The following RAB5A variants were observed in gnomAD, a reference collection of about 807,000 sequenced individuals.
The protein encoded by RAB5A is ras-related protein Rab-5A.
In RAB5A, 8 loss-of-function variants were observed where a neutral mutation model predicts 25.7. That is an observed-to-expected ratio of 0.31 (90% CI 0.18 to 0.56). The LOEUF is 0.56. Ranked by LOEUF, RAB5A falls within the 20% of genes least tolerant of loss-of-function variation. The probability of loss-of-function intolerance (pLI) is 0.91; values close to 1 mark genes in which losing one functional copy is unlikely to be tolerated. For synonymous variants in RAB5A, 98 were observed against 89.8 expected, an observed-to-expected ratio of 1.09 and a Z score of -0.52; for missense variants, 192 against 259.7, an observed-to-expected ratio of 0.74 and a Z score of 1.79.
chr3:19,979,587 A>G (rs1433752919), intron 5 of RAB5A, among the ~76,000 whole-genome samples: 1 of 152,148 alleles, frequency 6.6e-6, no homozygotes, highest in African/African-American at 2.4e-5. Context: ...CCCTGGCCCT[A>G]AGGTACTTTT....
chr3:19,954,953 T>A (rs1696478212), intron 2 of RAB5A, among the ~76,000 whole-genome samples: 1 of 152,164 alleles, frequency 6.6e-6, no homozygotes, highest in Non-Finnish European at 1.5e-5. Flanking sequence ...GGGTTTAAAG[T>A]TTGCATGACA....
At chr3:19,970,794 G>A (rs192024045) in intron 2 of RAB5A, 9 of 306,090 alleles carry the variant, frequency 2.9e-5, no homozygotes, top group East Asian at 8.9e-5. Context: ...ATTTGTTTAC[G>A]TAACTTTATA....
At position 19,984,181 on chromosome 3, in the gene RAB5A, A is replaced by AT; in HGVS notation, c.*358_*359insT. On this transcript the variant is annotated 3_prime_UTR_variant, in exon 6 of 6. Coordinates refer to ENST00000273047, the MANE Select transcript of RAB5A (RefSeq NM_004162.5). Reference sequence around the variant, plus strand: ...GTACAGTAGTCACCTGTGAAAAAAAAATTGGAACTTACTAATTTGGGCTTT... The same window carrying AT: ...GTACAGTAGTCACCTGTGAAAAAAAATATTGGAACTTACTAATTTGGGCTTT... 2.4e-6 allele frequency: 1 copy of AT among 423,650 alleles called. No homozygotes were observed. Among genetic ancestry groups the AT allele is most frequent in the Non-Finnish European group, 4.5e-6 (1 of 220,784 alleles). The allele number at this position is 423,650 out of a possible 1,614,324, so 26.2% of individuals were successfully genotyped here. A position where few individuals can be genotyped will look rare whatever the true frequency, so the allele number is the denominator to read the frequency against.
chr3:19,981,103 G>T (rs34343204), intron 5 of RAB5A, among the ~76,000 whole-genome samples: 24 of 152,144 alleles, frequency 1.6e-4, no homozygotes, highest in Non-Finnish European at 3.1e-4. Flanking sequence ...CTTAAAATCA[G>T]TACTCTTAGT....
chr3:19,951,132 A>G (rs756202716), intron 2 of RAB5A, 71 bp downstream of exon 2: 37 of 1,535,144 alleles, frequency 2.4e-5, no homozygotes, highest in East Asian at 4.5e-5. Flanking sequence ...TGATGTTCCA[A>G]TTGTGTGATT....
intron 2 of RAB5A, among the ~76,000 whole-genome samples, chr3:19,955,690 G>A (rs1028011642): frequency 2.6e-5 from 4 of 151,988 alleles, no homozygotes; most frequent in Non-Finnish European, 4.4e-5. Flanking sequence ...TCAGGAGTTC[G>A]AGACCAGCTT....
intron 2 of RAB5A, among the ~76,000 whole-genome samples, chr3:19,954,842 C>T (rs1198519917): frequency 6.6e-6 from 1 of 152,072 alleles, no homozygotes; most frequent in Non-Finnish European, 1.5e-5. Context: ...CAAAGAATCC[C>T]TGTTGCCTCA....
At chr3:19,963,891 A>G (rs1054051112) in intron 2 of RAB5A, among the ~76,000 whole-genome samples, 21 of 152,200 alleles carry the variant, frequency 1.4e-4, no homozygotes, top group Non-Finnish European at 2.9e-5. Context: ...TTCCTGAGAC[A>G]GGAATCCCAA....
intron 2 of RAB5A, among the ~76,000 whole-genome samples, chr3:19,974,704 G>C (rs73034108): frequency 1.7e-3 from 244 of 147,770 alleles, no homozygotes; most frequent in Admixed American, 2.2e-3. Flanking sequence ...CTGGGAGATA[G>C]AGCAAGACTG....
chr3:19,949,014 T>TA (rs1318106663), intron 1 of RAB5A, among the ~76,000 whole-genome samples: 2 of 152,210 alleles, frequency 1.3e-5, no homozygotes, highest in Non-Finnish European at 2.9e-5. Context: ...TGTTTACATG[T>TA]ATTGTTTTAT....
chr3:19,976,269 T>A, intron 4 of RAB5A, 100 bp downstream of exon 4: 1 of 1,273,858 alleles, frequency 7.9e-7, no homozygotes, highest in African/African-American at 1.5e-5. Context: ...ACCATGCAAG[T>A]AATAGAAAAT....
chr3:19,955,707 G>A (rs888723941), intron 2 of RAB5A, among the ~76,000 whole-genome samples: 1 of 151,900 alleles, frequency 6.6e-6, no homozygotes, highest in African/African-American at 2.4e-5. Flanking sequence ...GCTTGCCAAT[G>A]TGATGAAACC....
At chr3:19,956,720 A>G (rs1696507815) in intron 2 of RAB5A, among the ~76,000 whole-genome samples, 1 of 152,236 alleles carries the variant, frequency 6.6e-6, no homozygotes, top group African/African-American at 2.4e-5. Context: ...CTGTATCCAG[A>G]TTGAAGTTTT....
At chr3:19,959,478 A>G (rs1473155602) in intron 2 of RAB5A, among the ~76,000 whole-genome samples, 2 of 151,786 alleles carry the variant, frequency 1.3e-5, no homozygotes, top group Non-Finnish European at 2.9e-5. Flanking sequence ...ATATAAATCA[A>G]TCTCCAAAAG....
chr3:19,951,953 A>G (rs1288812250), intron 2 of RAB5A, among the ~76,000 whole-genome samples: 1 of 152,012 alleles, frequency 6.6e-6, no homozygotes, highest in Non-Finnish European at 1.5e-5. Flanking sequence ...AGGCACTGAC[A>G]AGGGTGGTTA....
At chr3:19,953,410 CCTT>C (rs1398994511) in intron 2 of RAB5A, among the ~76,000 whole-genome samples, 1 of 129,542 alleles carries the variant, frequency 7.7e-6, no homozygotes, top group Non-Finnish European at 1.8e-5. Context: ...TTCTGTTAAT[CCTT>C]TTTTTTTTTT....
intron 2 of RAB5A, among the ~76,000 whole-genome samples, chr3:19,966,830 G>C (rs967462886): frequency 3.3e-5 from 5 of 151,968 alleles, no homozygotes; most frequent in Non-Finnish European, 1.5e-5. Flanking sequence ...TTTGAAATAG[G>C]GTCTCACTCT....
At chr3:19,964,141 G>T (rs1375498356) in intron 2 of RAB5A, among the ~76,000 whole-genome samples, 1 of 152,166 alleles carries the variant, frequency 6.6e-6, no homozygotes, top group African/African-American at 2.4e-5. Flanking sequence ...AATAGCTTGG[G>T]CGCTATCCTT....
intron 4 of RAB5A, among the ~76,000 whole-genome samples, chr3:19,977,544 T>C (rs1272289687): frequency 1.3e-5 from 2 of 152,220 alleles, no homozygotes; most frequent in African/African-American, 4.8e-5. Context: ...GCATGTTACA[T>C]TTGTAATTTT....
Sources: allele counts gnomAD v4.1 joint callset (sites outside exome capture counted in the v4.1 genomes callset), GRCh38; gene constraint gnomAD v4.1.1; transcripts MANE v1.5; gene names NCBI Gene and HGNC (gene_info 2026-07-23, HGNC 2026-07-21).